MAP3K13: variants seen among roughly 807,000 people sequenced by gnomAD.
MAP3K13 encodes leucine zipper-bearing kinase.
Under a neutral mutation model 104.0 loss-of-function variants are expected in MAP3K13, and 52 were observed. The ratio of observed to expected loss-of-function variants is 0.50; its 90% CI spans 0.40 to 0.63. The LOEUF is 0.63. Among genes scored for constraint, MAP3K13 ranks in the 20% least tolerant of loss-of-function variants. The pLI, the probability that MAP3K13 is intolerant of heterozygous loss-of-function variation, is 0.00. For synonymous variants in MAP3K13, 394 were observed against 442.2 expected (o/e 0.89, Z 1.37); for missense variants, 914 against 1,218.5 (o/e 0.75, Z 3.72).
intron 2 of MAP3K13, among the ~76,000 whole-genome samples, chr3:185,353,236 A>G (rs1190640446): frequency 6.6e-6 from 1 of 152,242 alleles, no homozygotes; most frequent in Non-Finnish European, 1.5e-5. Flanking sequence ...AAGGAGTTTA[A>G]TTGAGCAATG....
At chr3:185,344,643 A>G (rs1722848219) in intron 2 of MAP3K13, among the ~76,000 whole-genome samples, 1 of 152,106 alleles carries the variant, frequency 6.6e-6, no homozygotes, top group Non-Finnish European at 1.5e-5. Flanking sequence ...TATGCCCAAC[A>G]CAGAGTACCG....
chr3:185,404,600 A>G (rs1713003184), intron 1 of MAP3K13, among the ~76,000 whole-genome samples: 1 of 152,136 alleles, frequency 6.6e-6, no homozygotes, highest in Non-Finnish European at 1.5e-5. Flanking sequence ...TTTTCAAGAT[A>G]GAATCTTGCT....
intron 8 of MAP3K13, among the ~76,000 whole-genome samples, chr3:185,464,872 C>T (rs1279933403): frequency 6.6e-6 from 1 of 152,182 alleles, no homozygotes; most frequent in African/African-American, 2.4e-5. Context: ...TTCTATGTGT[C>T]CTCACACCGA....
chr3:185,388,542 A>G (rs1711838881), intron 1 of MAP3K13, among the ~76,000 whole-genome samples: 1 of 152,078 alleles, frequency 6.6e-6, no homozygotes, highest in South Asian at 2.1e-4. Flanking sequence ...GAGAACACAA[A>G]CAAATGGACA....
chr3:185,368,959 C>A (rs370555941), intron 1 of MAP3K13, among the ~76,000 whole-genome samples: 77 of 139,476 alleles, frequency 5.5e-4, no homozygotes, highest in Admixed American at 7.2e-4. Context: ...AACTCCATCT[C>A]AAAAAAAAAA....
intron 1 of MAP3K13, among the ~76,000 whole-genome samples, chr3:185,402,507 T>C: frequency 6.6e-6 from 1 of 152,224 alleles, no homozygotes. Context: ...AAGTCAAGCT[T>C]ATTATATCCA....
intron 2 of MAP3K13, among the ~76,000 whole-genome samples, chr3:185,435,391 G>T (rs958067451): frequency 1.1e-4 from 16 of 152,158 alleles, no homozygotes; most frequent in Non-Finnish European, 2.2e-4. Context: ...TACCACGTGT[G>T]CTGCATGTAT....
intron 1 of MAP3K13, chr3:185,285,301 G>T: frequency 4.5e-6 from 1 of 220,248 alleles, no homozygotes; most frequent in Non-Finnish European, 9.1e-6. Flanking sequence ...GTCATGTTTT[G>T]AGATCCTGTA....
chr3:185,472,993 A>G lies in MAP3K13; in HGVS notation c.1662A>G (p.Ser554=), dbSNP rs1717891816. 6.2e-7 allele frequency: 1 copy of G among 1,614,140 alleles called. No individual in the cohort carries two copies. Among genetic ancestry groups the G allele is most frequent in the African/African-American group, 1.3e-5 (1 of 75,040 alleles). The change falls in exon 11 of 14, where the codon TCA becomes TCG. Residue 554 remains serine, a synonymous_variant. Coordinates refer to ENST00000265026, the MANE Select transcript of MAP3K13 (RefSeq NM_004721.5). ...MQTKRPDLLR[S]EGIPTTEVAP... ...CTCCCAGGCCAGACTTGTTGAGATC[A>G]GAAGGGATCCCCACCACAGAAGTGG...
intron 1 of MAP3K13, among the ~76,000 whole-genome samples, chr3:185,380,142 C>T (rs555008408): frequency 1.8e-4 from 27 of 151,698 alleles, no homozygotes; most frequent in African/African-American, 5.8e-4. Context: ...GCTGAGGTTG[C>T]GCCATTGCCC....
At chr3:185,399,353 C>T (rs911529230) in intron 1 of MAP3K13, among the ~76,000 whole-genome samples, 1 of 151,736 alleles carries the variant, frequency 6.6e-6, no homozygotes, top group African/African-American at 2.4e-5. Context: ...GCCTGTAATC[C>T]CAGCACTTTG....
intron 3 of MAP3K13, among the ~76,000 whole-genome samples, chr3:185,438,102 G>T (rs183812907): frequency 2.0e-4 from 30 of 152,176 alleles, no homozygotes; most frequent in Non-Finnish European, 3.8e-4. Context: ...AGACCAGCCT[G>T]GGCAATATAG....
chr3:185,287,533 C>T (rs1331456724), intron 2 of MAP3K13, among the ~76,000 whole-genome samples: 1 of 152,086 alleles, frequency 6.6e-6, no homozygotes, highest in Non-Finnish European at 1.5e-5. Flanking sequence ...TGTCTTCCCA[C>T]ACTTTTATTG....
At position 185,418,613 on chromosome 3, in the gene MAP3K13, C is replaced by T; in HGVS notation, c.-85-9884C>T. 1.2e-6 allele frequency: 2 copies of T among 1,612,242 alleles called. No individual in the cohort carries two copies. The highest frequency in any genetic ancestry group is 2.2e-5 in the South Asian group (2 of 91,002). On this transcript the variant is annotated intron_variant, in intron 1 of 13. Transcript: ENST00000265026. This position sits in a 1 kb window ranked among gnomAD's most constrained non-coding sequence, Gnocchi z 4.5. ...GCACTGGTCTGATGACCTGCTAATT[C>T]ACTGGCAGCGTAGGGCTGTCTGTTG... is the stretch of plus-strand genomic sequence containing the variant.
At chr3:185,389,070 TAAACAAA>T (rs1711879810) in intron 1 of MAP3K13, among the ~76,000 whole-genome samples, 1 of 152,144 alleles carries the variant, frequency 6.6e-6, no homozygotes, top group Non-Finnish European at 1.5e-5. Flanking sequence ...TTCTCTGCGT[TAAACAAA>T]ATAAAAGTTG....
intron 7 of MAP3K13, among the ~76,000 whole-genome samples, chr3:185,458,830 T>G (rs974849275): frequency 6.6e-5 from 10 of 152,192 alleles, no homozygotes; most frequent in Admixed American, 6.5e-4. Context: ...CAACAGCACA[T>G]GTATAAAGAT....
intron 2 of MAP3K13, among the ~76,000 whole-genome samples, chr3:185,306,845 C>A (rs1448011959): frequency 6.6e-6 from 1 of 152,114 alleles, no homozygotes; most frequent in African/African-American, 2.4e-5. Flanking sequence ...CTTAATAATA[C>A]ATGCTTTACC....
chr3:185,444,335 CAA>C (rs1275265807), intron 4 of MAP3K13, among the ~76,000 whole-genome samples: 3 of 43,926 alleles, frequency 6.8e-5, no homozygotes, highest in Admixed American at 2.6e-4. Context: ...GACTCTGTCT[CAA>C]AAAAAAAATA....
chr3:185,464,605 C>T (rs1404722974), intron 8 of MAP3K13, among the ~76,000 whole-genome samples: 1 of 152,152 alleles, frequency 6.6e-6, no homozygotes, highest in African/African-American at 2.4e-5. Context: ...TGAGGCCTTC[C>T]CAGCCATGCA....
Sources: allele counts gnomAD v4.1 joint callset (sites outside exome capture counted in the v4.1 genomes callset), GRCh38; gene constraint gnomAD v4.1.1; non-coding constraint Gnocchi (gnomAD v3.1); transcripts MANE v1.5; gene names NCBI Gene and HGNC (gene_info 2026-07-23, HGNC 2026-07-21).